The following ZSCAN25 variants were observed in gnomAD, a reference collection of about 807,000 sequenced individuals.
ZSCAN25 encodes zinc finger and SCAN domain-containing protein 25.
In ZSCAN25, 27 loss-of-function variants were observed where a neutral mutation model predicts 38.7. The ratio of observed to expected loss-of-function variants is 0.70; its 90% confidence interval spans 0.51 to 0.96. The LOEUF is 0.96. Among genes scored for constraint, ZSCAN25 ranks in the 40% least tolerant of loss-of-function variants. The probability of loss-of-function intolerance (pLI) is 0.00; values close to 1 mark genes in which losing one functional copy is unlikely to be tolerated. For missense variants in ZSCAN25, 637 were observed against 705.9 expected (o/e 0.90, Z 1.11); for synonymous variants, 273 against 277.7 (o/e 0.98, Z 0.17).
chr7:99,679,019 T>G, the ZSCAN25 span, among the ~76,000 whole-genome samples: 1 of 152,244 alleles, frequency 6.6e-6, no homozygotes. Context: ...TCATGGCTCC[T>G]GCCTTTTCAG....
chr7:99,685,328 A>C, the ZSCAN25 span: 1 of 1,509,748 alleles, frequency 6.6e-7, no homozygotes, highest in Non-Finnish European at 9.1e-7. Flanking sequence ...ATTGCTGACT[A>C]TGCACATAGT....
chr7:99,642,910 A>C, the ZSCAN25 span, among the ~76,000 whole-genome samples: 18 of 152,200 alleles, frequency 1.2e-4, no homozygotes, highest in African/African-American at 4.3e-4. Context: ...GATGTGAAGA[A>C]GGCATCCAAG....
rs551738639 is a variant in ZSCAN25 at position 99,622,636 on chromosome 7, C to T, written c.677C>T (p.Ser226Leu). 515 of 1,613,948 alleles carry T rather than the reference C, an allele frequency of 3.2e-4. 5 individuals carry two copies. The South Asian group carries it at 4.9e-3, about 15-fold the overall frequency. ...EMAAGFFTAG[S>L]QGLGPFKDMA... ...GCAGCTGGGTTCTTTACTGCTGGATCGCAGGTGAGCTCTGACTCCCTTTGC... is the reference window on the plus strand; with the variant it reads ...GCAGCTGGGTTCTTTACTGCTGGATTGCAGGTGAGCTCTGACTCCCTTTGC... The change falls in exon 6 of 8, where the codon TCG becomes TTG. Residue 226 changes from serine to leucine, a missense_variant. Ser to Leu is a moderately radical substitution (Grantham distance 145). Coordinates refer to ENST00000394152, the MANE Select transcript of ZSCAN25 (RefSeq NM_145115.3).
chr7:99,641,868 TTC>T, the ZSCAN25 span, among the ~76,000 whole-genome samples: 1 of 152,200 alleles, frequency 6.6e-6, no homozygotes, highest in African/African-American at 2.4e-5. Flanking sequence ...GTCTCCCTGC[TTC>T]TACTCTTTCC....
At chr7:99,656,591 C>T in the ZSCAN25 span, among the ~76,000 whole-genome samples, 2 of 152,144 alleles carry the variant, frequency 1.3e-5, no homozygotes, top group Admixed American at 1.3e-4. Flanking sequence ...TGATGCTGGC[C>T]TCATAAAATG....
At chr7:99,713,586 G>A in the ZSCAN25 span, 1 of 1,611,608 alleles carries the variant, frequency 6.2e-7, no homozygotes, top group South Asian at 1.1e-5. Flanking sequence ...CGTGAAGTCA[G>A]AAGTTAATCA....
the ZSCAN25 span, among the ~76,000 whole-genome samples, chr7:99,725,788 C>G: frequency 6.6e-6 from 1 of 152,180 alleles, no homozygotes; most frequent in Non-Finnish European, 1.5e-5. Context: ...TCACGGATGC[C>G]AAACTTCAGG....
the ZSCAN25 span, chr7:99,672,730 C>T: frequency 6.2e-7 from 1 of 1,610,896 alleles, no homozygotes; most frequent in Non-Finnish European, 8.5e-7. Flanking sequence ...GATTCTGCAG[C>T]TGGAGCCACA....
At chr7:99,717,530 T>C in the ZSCAN25 span, 1 of 1,613,670 alleles carries the variant, frequency 6.2e-7, no homozygotes, top group Non-Finnish European at 8.5e-7. Flanking sequence ...TCATACCTCC[T>C]TGAGTTTTCC....
In ZSCAN25 at chr7:99,630,311, C is replaced by T. The variant is rs187594291; in HGVS notation, c.*291C>T. 2.1e-5 allele frequency: 25 copies of T among 1,191,804 alleles called. No individual in the cohort carries two copies. The Admixed American group carries it at 4.1e-4, about 19-fold the overall frequency. 73.8% of individuals were successfully genotyped at this position (1,191,804 alleles called of 1,614,324 possible). On this transcript the variant is annotated 3_prime_UTR_variant, in exon 8 of 8. Transcript: ENST00000394152. Reference sequence around the variant, plus strand: ...CAGTGGACTGTCTGTGTCCCCCTGCCGAACAAAGCTGGGAGTAAAGGCAAA... The same window carrying T: ...CAGTGGACTGTCTGTGTCCCCCTGCTGAACAAAGCTGGGAGTAAAGGCAAA...
the ZSCAN25 span, among the ~76,000 whole-genome samples, chr7:99,707,426 A>G: frequency 6.6e-6 from 1 of 152,238 alleles, no homozygotes; most frequent in Non-Finnish European, 1.5e-5. Flanking sequence ...AGCCACTGTC[A>G]TGAGAAAACT....
At chr7:99,648,936 C>T in the ZSCAN25 span, among the ~76,000 whole-genome samples, 1 of 152,140 alleles carries the variant, frequency 6.6e-6, no homozygotes, top group African/African-American at 2.4e-5. Flanking sequence ...TTCTTTTTAA[C>T]ATCTCCTCTT....
rs770539317 is a variant in ZSCAN25 at position 99,619,610 on chromosome 7, C to T, written c.4C>T (p.Leu2Phe). Reference protein sequence around the residue: MLKEHPEMAEAP... With the variant: MFKEHPEMAEAP... Reference sequence around the variant, plus strand: ...TCTCCTCGGAGGGAGTCTGAAGATGCTTAAAGAGCATCCAGAGATGGCGGA... The same window carrying T: ...TCTCCTCGGAGGGAGTCTGAAGATGTTTAAAGAGCATCCAGAGATGGCGGA... Residue 2 changes from leucine (L) to phenylalanine (F), a missense_variant, in exon 4 of 8, where the codon CTT becomes TTT. Leu to Phe is a conservative substitution (Grantham distance 22). Coordinates refer to ENST00000394152, the MANE Select transcript of ZSCAN25 (RefSeq NM_145115.3). The T allele has an allele frequency of 1.9e-6, 3 of 1,612,206 alleles. No individual in the cohort carries two copies. The East Asian group carries it at 6.7e-5, about 36-fold the overall frequency.
intron 7 of ZSCAN25, among the ~76,000 whole-genome samples, chr7:99,627,066 G>A (rs1438747127): frequency 6.6e-6 from 1 of 152,156 alleles, no homozygotes; most frequent in Non-Finnish European, 1.5e-5. Context: ...CTAGTACAGG[G>A]AACACACTTA....
the ZSCAN25 span, among the ~76,000 whole-genome samples, chr7:99,656,824 C>T: frequency 2.0e-5 from 3 of 152,060 alleles, no homozygotes; most frequent in Admixed American, 6.5e-5. Context: ...GTGTATGTGT[C>T]GAGGAATTTA....
chr7:99,717,507 A>G, the ZSCAN25 span: 2 of 1,613,274 alleles, frequency 1.2e-6, no homozygotes, highest in African/African-American at 2.7e-5. Flanking sequence ...TCTAATTAAA[A>G]CCCAAGTTAT....
At chr7:99,662,467 G>C in the ZSCAN25 span, among the ~76,000 whole-genome samples, 1 of 152,204 alleles carries the variant, frequency 6.6e-6, no homozygotes, top group Non-Finnish European at 1.5e-5. The surrounding 1 kb of genome is among the most constrained non-coding windows in gnomAD (Gnocchi z 4.3). Flanking sequence ...GGGATAGTGT[G>C]CTTCCTGATC....
the ZSCAN25 span, among the ~76,000 whole-genome samples, chr7:99,726,489 A>G: frequency 1.3e-5 from 2 of 152,038 alleles, no homozygotes; most frequent in Non-Finnish European, 2.9e-5. Context: ...ATCTCCCTCC[A>G]CAACTCACTA....
Position 99,629,495 on chromosome 7 carries a change from C to A in ZSCAN25, c.1110C>A (p.His370Gln). 1.9e-6 allele frequency: 3 copies of A among 1,614,190 alleles called. No homozygotes were observed. Among genetic ancestry groups the A allele is most frequent in the Non-Finnish European group, 2.5e-6 (3 of 1,180,046 alleles). The change falls in exon 8 of 8, where the codon CAC (histidine) becomes CAA (glutamine). Residue 370 changes from histidine (H) to glutamine (Q), a missense_variant. Transcript: ENST00000394152. This position sits in a 1 kb window ranked among gnomAD's most constrained non-coding sequence, Gnocchi z 5.6. Reference protein sequence around the residue: ...SSNLVRHQRTHEEKSYGCVEC... With the variant: ...SSNLVRHQRTQEEKSYGCVEC... ...ATCTCGTCAGGCACCAGCGAACCCA[C>A]GAAGAGAAGTCTTATGGCTGTGTGG...
Sources: gnomAD v4.1 joint callset for allele counts (sites outside exome capture counted in the v4.1 genomes callset) on GRCh38, gnomAD v4.1.1 for gene constraint, Gnocchi (gnomAD v3.1) non-coding constraint, MANE v1.5 for transcripts, NCBI Gene and HGNC (gene_info 2026-07-23, HGNC 2026-07-21) for gene names.